Variants in RPS6KC1 observed in about 807,000 individuals in gnomAD.
RPS6KC1 encodes the protein inactive ribosomal protein S6 kinase delta-1.
RPS6KC1 carries 54 observed loss-of-function variants against 103.8 expected under a neutral mutation model. That is an observed-to-expected ratio of 0.52 (90% CI 0.42 to 0.65). The LOEUF is 0.65. RPS6KC1 is among the 30% of genes least tolerant of loss of function. The pLI, the probability that RPS6KC1 is intolerant of heterozygous loss-of-function variation, is 0.00. For missense variants in RPS6KC1, 1,151 were observed against 1,253.8 expected, an observed-to-expected ratio of 0.92 and a Z score of 1.24; for synonymous variants, 439 against 438.7, an observed-to-expected ratio of 1.00 and a Z score of -0.01.
chr1:213,775,330 T>A, the RPS6KC1 span, among the ~76,000 whole-genome samples: 1 of 152,122 alleles, frequency 6.6e-6, no homozygotes, highest in African/African-American at 2.4e-5. Flanking sequence ...GGCAGGGAGA[T>A]CACAAGTGAA....
intron 6 of RPS6KC1, among the ~76,000 whole-genome samples, chr1:213,147,150 T>C (rs1272498478): frequency 6.6e-6 from 1 of 152,198 alleles, no homozygotes; most frequent in African/African-American, 2.4e-5. Flanking sequence ...GGCTGTCTCT[T>C]CACTTTTTTG....
At chr1:213,321,889 T>A in the RPS6KC1 span, among the ~76,000 whole-genome samples, 1 of 152,132 alleles carries the variant, frequency 6.6e-6, no homozygotes, top group Non-Finnish European at 1.5e-5. Flanking sequence ...AGAAAGAGCT[T>A]TCTAGGCAGA....
chr1:213,214,973 G>C (rs927429266), intron 8 of RPS6KC1, among the ~76,000 whole-genome samples: 3 of 152,170 alleles, frequency 2.0e-5, no homozygotes, highest in African/African-American at 4.8e-5. Context: ...CAGAGCGCCT[G>C]TCCTCCTCCA....
At chr1:213,685,941 T>G in the RPS6KC1 span, among the ~76,000 whole-genome samples, 8 of 152,210 alleles carry the variant, frequency 5.3e-5, no homozygotes, top group East Asian at 1.5e-3. Flanking sequence ...CCTCAGTGAT[T>G]TTTTTTTGTG....
chr1:213,393,441 T>C, the RPS6KC1 span, among the ~76,000 whole-genome samples: 2 of 152,210 alleles, frequency 1.3e-5, no homozygotes, highest in Non-Finnish European at 2.9e-5. Flanking sequence ...CTCCCCTTGC[T>C]GTTATGGAGT....
chr1:213,211,585 T>C (rs961293143), intron 8 of RPS6KC1, among the ~76,000 whole-genome samples: 16 of 152,230 alleles, frequency 1.1e-4, no homozygotes, highest in Admixed American at 2.6e-4. Context: ...GTAATAGATG[T>C]ATTGGCCTAG....
the RPS6KC1 span, among the ~76,000 whole-genome samples, chr1:213,411,812 G>A: frequency 6.6e-6 from 1 of 152,130 alleles, no homozygotes; most frequent in Admixed American, 6.5e-5. Flanking sequence ...GCACAGCTGG[G>A]GGCAGTGCTT....
At chr1:213,444,712 C>T in the RPS6KC1 span, among the ~76,000 whole-genome samples, 2 of 133,032 alleles carry the variant, frequency 1.5e-5, no homozygotes, top group East Asian at 4.4e-4. Flanking sequence ...CCATTGCACT[C>T]CAGCCTGGGC....
chr1:213,638,052 C>G, the RPS6KC1 span, among the ~76,000 whole-genome samples: 142 of 152,104 alleles, frequency 9.3e-4, 1 homozygote, highest in African/African-American at 3.3e-3. Context: ...CTTGTGGGTT[C>G]AAGCAATCCT....
At chr1:213,116,841 G>T (rs1408732737) in intron 4 of RPS6KC1, among the ~76,000 whole-genome samples, 3 of 151,944 alleles carry the variant, frequency 2.0e-5, no homozygotes, top group Non-Finnish European at 4.4e-5. Context: ...TGAAATTCTG[G>T]GTTGAAAATT....
At chr1:213,169,306 G>A (rs1490154686) in intron 7 of RPS6KC1, among the ~76,000 whole-genome samples, 2 of 152,140 alleles carry the variant, frequency 1.3e-5, no homozygotes, top group Non-Finnish European at 2.9e-5. Context: ...CTGATGTTAA[G>A]TGTTTGACCA....
intron 1 of RPS6KC1, among the ~76,000 whole-genome samples, chr1:213,056,995 A>G (rs1412127236): frequency 6.6e-6 from 1 of 151,924 alleles, no homozygotes; most frequent in Non-Finnish European, 1.5e-5. Flanking sequence ...GCTGGAGTGT[A>G]GTGGAACGAT....
the RPS6KC1 span, among the ~76,000 whole-genome samples, chr1:213,728,647 C>G: frequency 6.6e-6 from 1 of 152,070 alleles, no homozygotes; most frequent in Non-Finnish European, 1.5e-5. Context: ...GGGCCACTCC[C>G]TCCTCATTGG....
intron 6 of RPS6KC1, among the ~76,000 whole-genome samples, chr1:213,146,551 A>C (rs1272729680): frequency 6.6e-6 from 1 of 151,248 alleles, no homozygotes; most frequent in Non-Finnish European, 1.5e-5. Context: ...CCTCCTGAGT[A>C]GCTGGGGTTG....
At chr1:213,610,932 G>C in the RPS6KC1 span, among the ~76,000 whole-genome samples, 2 of 152,306 alleles carry the variant, frequency 1.3e-5, no homozygotes, top group South Asian at 4.1e-4. Flanking sequence ...ATAGACTCAA[G>C]TGACATCCAA....
chr1:213,629,910 C>A, the RPS6KC1 span, among the ~76,000 whole-genome samples: 1 of 152,172 alleles, frequency 6.6e-6, no homozygotes, highest in African/African-American at 2.4e-5. Flanking sequence ...TGAATATTGG[C>A]CTCCACTCTC....
chr1:213,062,715 C>G (rs999303519), intron 1 of RPS6KC1, among the ~76,000 whole-genome samples: 1 of 152,076 alleles, frequency 6.6e-6, no homozygotes, highest in African/African-American at 2.4e-5. Context: ...CCCCACCACA[C>G]CCAGCTAATT....
the RPS6KC1 span, among the ~76,000 whole-genome samples, chr1:213,570,982 G>C: frequency 2.0e-5 from 3 of 152,160 alleles, no homozygotes; most frequent in Admixed American, 6.5e-5. Flanking sequence ...ATACTATCAG[G>C]CTTGACAGCA....
the RPS6KC1 span, among the ~76,000 whole-genome samples, chr1:213,776,835 T>G: frequency 6.6e-6 from 1 of 152,224 alleles, no homozygotes; most frequent in Non-Finnish European, 1.5e-5. Context: ...GTAGCCATCT[T>G]CAACAATAGC....
Sources: gnomAD v4.1 joint callset for allele counts (sites outside exome capture counted in the v4.1 genomes callset) on GRCh38, gnomAD v4.1.1 for gene constraint, MANE v1.5 for transcripts, NCBI Gene and HGNC (gene_info 2026-07-23, HGNC 2026-07-21) for gene names.